Variants in CHID1 observed in about 807,000 individuals in gnomAD.
CHID1 encodes the protein chitinase domain containing 1.
In CHID1, 44 loss-of-function variants were observed where a neutral mutation model predicts 55.4. The observed-to-expected ratio is 0.79, with a 90% CI of 0.62 to 1.02. CHID1 has a LOEUF of 1.02. CHID1 is among the 50% of genes least tolerant of loss of function. The probability of loss-of-function intolerance (pLI) is 0.00; values close to 1 mark genes in which losing one functional copy is unlikely to be tolerated. For missense variants in CHID1, 491 were observed against 515.3 expected, an observed-to-expected ratio of 0.95 and a Z score of 0.46; for synonymous variants, 216 against 212.9, an observed-to-expected ratio of 1.01 and a Z score of -0.13.
intron 10 of CHID1, among the ~76,000 whole-genome samples, chr11:879,402 G>A (rs1362222114): frequency 6.6e-6 from 1 of 152,266 alleles, no homozygotes; most frequent in African/African-American, 2.4e-5. Context: ...AAGTTAAAAT[G>A]ATGTCACAAG....
In CHID1 at chr11:870,509, C is replaced by G; in HGVS notation, c.960-10G>C. 1 of 1,599,360 alleles carries G rather than the reference C, an allele frequency of 6.3e-7. No individual in the cohort carries two copies. The highest frequency in any genetic ancestry group is 1.3e-5 in the African/African-American group (1 of 74,796). ...CAGTGTCTGGATGTACCTGGGGAGA[C>G]CAGGATATGGATTTGGGAGCCCACC... is the stretch of plus-strand genomic sequence containing the variant. On this transcript the variant is annotated splice_polypyrimidine_tract_variant and intron_variant, in intron 10 of 12. Coordinates refer to ENST00000323578, the MANE Select transcript of CHID1 (RefSeq NM_023947.4).
At chr11:890,527 A>C (rs1850725850) in intron 8 of CHID1, among the ~76,000 whole-genome samples, 1 of 152,312 alleles carries the variant, frequency 6.6e-6, no homozygotes, top group Non-Finnish European at 1.5e-5. Context: ...CCAGGAAGGA[A>C]ACCAGCCCTT....
chr11:901,021 C>A, intron 4 of CHID1, 41 bp from the exon 5 acceptor site: 1 of 1,560,440 alleles, frequency 6.4e-7, no homozygotes, highest in Middle Eastern at 1.7e-4. Context: ...GGCACGTGCG[C>A]CCAACTGGAA....
chr11:902,085 C>T lies in CHID1; in HGVS notation c.394+113G>A, dbSNP rs1851860187. ...TCACGCAGAGACACACACACACTCC[C>T]ATACAGAGACACCCACAGAGACATA... On this transcript the variant is annotated intron_variant, in intron 4 of 12. Coordinates refer to ENST00000323578, the MANE Select transcript of CHID1 (RefSeq NM_023947.4). 3.1e-5 allele frequency: 38 copies of T among 1,228,038 alleles called. No individual in the cohort carries two copies. In the South Asian group the frequency reaches 4.5e-4, roughly 14 times the overall value. The allele number at this position is 1,228,038 out of a possible 1,614,324, so 76.1% of individuals were successfully genotyped here.
chr11:914,605 A>G (rs1459095649), upstream of CHID1: 7 of 1,283,638 alleles, frequency 5.5e-6, no homozygotes, highest in Non-Finnish European at 5.1e-6. Flanking sequence ...GTGGTGGCTC[A>G]CGCCGTAATC....
At chr11:896,575 G>A (rs1349669012) in intron 7 of CHID1, among the ~76,000 whole-genome samples, 1 of 118,050 alleles carries the variant, frequency 8.5e-6, no homozygotes, top group African/African-American at 3.6e-5. Flanking sequence ...CCAGACGTGA[G>A]GCTGTCTCAG....
At chr11:897,221 C>T (rs1244601813) in intron 7 of CHID1, among the ~76,000 whole-genome samples, 13 of 144,114 alleles carry the variant, frequency 9.0e-5, no homozygotes, top group African/African-American at 2.6e-4. Context: ...GCCTCCACCC[C>T]AGACACGAGC....
chr11:874,645 G>A (rs1849381336), intron 10 of CHID1: 1 of 152,108 alleles, frequency 6.6e-6, no homozygotes, highest in Non-Finnish European at 1.5e-5. Context: ...TGTAGAGATG[G>A]GGGTCTTGCT....
At position 875,123 on chromosome 11, in the gene CHID1, G is replaced by C. The variant is rs907066899; in HGVS notation, c.960-4624C>G. 3.9e-5 allele frequency among the ~76,000 whole-genome samples: 6 copies of C among 152,234 alleles called. No individual in the cohort carries two copies. Among genetic ancestry groups the C allele is most frequent in the African/African-American group, 1.4e-4 (6 of 41,460 alleles). ...AGCAATGGTGAGGCCCCCAGTGCCAGGCCCAGGCCCCCTCCTGAAGGGAGG... is the reference window on the plus strand; with the variant it reads ...AGCAATGGTGAGGCCCCCAGTGCCACGCCCAGGCCCCCTCCTGAAGGGAGG... On this transcript the variant is annotated intron_variant, in intron 10 of 12. Transcript: ENST00000323578. The surrounding 1 kb of genome is among the most constrained non-coding windows in gnomAD (Gnocchi z 4.7).
chr11:910,867 G>A (rs1431624364), upstream of CHID1: 15 of 1,070,360 alleles, frequency 1.4e-5, no homozygotes, highest in Non-Finnish European at 1.7e-5. Flanking sequence ...GCGCGCCGCC[G>A]CCGCGCACGG....
intron 12 of CHID1, 39 bp downstream of exon 12, chr11:870,082 C>T: frequency 6.2e-7 from 1 of 1,611,840 alleles, no homozygotes. Context: ...GTCGCATGGC[C>T]CACCCCTCCC....
At chr11:890,192 C>T (rs749285701) in intron 8 of CHID1, among the ~76,000 whole-genome samples, 6 of 152,228 alleles carry the variant, frequency 3.9e-5, no homozygotes, top group Non-Finnish European at 7.3e-5. Context: ...GCCTGGACCT[C>T]GGCCCGTCCA....
intron 10 of CHID1, chr11:882,932 G>A (rs925501170): frequency 1.7e-5 from 9 of 534,290 alleles, no homozygotes; most frequent in East Asian, 9.2e-5. Flanking sequence ...ACAGCCTCAC[G>A]CAGATGTGTG....
chr11:889,008 G>A (rs1024784683), intron 8 of CHID1, among the ~76,000 whole-genome samples: 12 of 152,206 alleles, frequency 7.9e-5, no homozygotes, highest in African/African-American at 2.9e-4. Context: ...GCTTTGTGCT[G>A]AGACAGGCCG....
chr11:878,471 C>A (rs1849666026), intron 10 of CHID1, among the ~76,000 whole-genome samples: 1 of 151,120 alleles, frequency 6.6e-6, no homozygotes, highest in African/African-American at 2.4e-5. Flanking sequence ...GAGGCTGAGG[C>A]AGAATTGCTT....
chr11:870,081 C>G, intron 12 of CHID1, 40 bp downstream of exon 12: 5 of 1,611,750 alleles, frequency 3.1e-6, no homozygotes, highest in Non-Finnish European at 3.4e-6. Context: ...TGTCGCATGG[C>G]CCACCCCTCC....
In CHID1 at chr11:869,502, C is replaced by T. The variant is rs1849026895; in HGVS notation, c.*356G>A. ...AGGAGTGGGCGAGTCCGGGATGGTT[C>T]CAGAGCTTCCAAACCCACATCCAGC... On this transcript the variant is annotated 3_prime_UTR_variant, in exon 13 of 13. Transcript: ENST00000323578. The T allele has an allele frequency of 2.8e-6, 1 of 362,922 alleles. No individual in the cohort carries two copies. Among genetic ancestry groups the T allele is most frequent in the Non-Finnish European group, 5.1e-6 (1 of 195,302 alleles). 22.5% of individuals were successfully genotyped at this position (362,922 alleles called of 1,614,324 possible). A position where few individuals can be genotyped will look rare whatever the true frequency, so the allele number is the denominator to read the frequency against.
At chr11:913,306 T>C (rs556307063), upstream of CHID1, among the ~76,000 whole-genome samples, 3 of 152,250 alleles carry the variant, frequency 2.0e-5, no homozygotes, top group African/African-American at 7.2e-5. Flanking sequence ...ATAAGCCACC[T>C]CACCAGGCCA....
chr11:876,807 C>T (rs936280391), intron 10 of CHID1, among the ~76,000 whole-genome samples: 3 of 152,242 alleles, frequency 2.0e-5, no homozygotes, highest in African/African-American at 4.8e-5. Flanking sequence ...GCATCTGTGC[C>T]GCTGCCCTGG....
Sources: gnomAD v4.1 joint callset for allele counts (sites outside exome capture counted in the v4.1 genomes callset) on GRCh38, gnomAD v4.1.1 for gene constraint, Gnocchi (gnomAD v3.1) non-coding constraint, MANE v1.5 for transcripts, NCBI Gene and HGNC (gene_info 2026-07-23, HGNC 2026-07-21) for gene names.